Variants in TAF3 observed in about 807,000 individuals in gnomAD.
TAF3 encodes the protein transcription initiation factor TFIID subunit 3.
Under a neutral mutation model 80.6 loss-of-function variants are expected in TAF3, and 7 were observed. The ratio of observed to expected loss-of-function variants is 0.09; its 90% CI spans 0.05 to 0.16. The LOEUF (loss-of-function observed/expected upper bound fraction) is 0.16. Among genes scored for constraint, TAF3 ranks in the 10% least tolerant of loss-of-function variants. The pLI, the probability that TAF3 is intolerant of heterozygous loss-of-function variation, is 1.00. For missense variants in TAF3, 921 were observed against 1,140.2 expected (o/e 0.81, Z 2.77); for synonymous variants, 444 against 446.1 (o/e 1.00, Z 0.06).
chr10:7,870,987 T>C (rs1837259813), intron 2 of TAF3, among the ~76,000 whole-genome samples: 2 of 152,206 alleles, frequency 1.3e-5, no homozygotes, highest in Non-Finnish European at 2.9e-5. Context: ...TGTATGTATC[T>C]GTGATAGAAA....
At chr10:7,918,280 A>T (rs1837731155) in intron 2 of TAF3, among the ~76,000 whole-genome samples, 2 of 152,138 alleles carry the variant, frequency 1.3e-5, no homozygotes, top group Non-Finnish European at 2.9e-5. Context: ...GAAGAGTGGG[A>T]GAGAGAATGA....
chr10:7,979,421 C>T (rs1831704634), intron 4 of TAF3, among the ~76,000 whole-genome samples: 1 of 150,430 alleles, frequency 6.6e-6, no homozygotes, highest in Non-Finnish European at 1.5e-5. Flanking sequence ...AAGCATCTTT[C>T]AGTCATTCTG....
At chr10:7,845,349 ATAGCT>A (rs1836959720) in intron 2 of TAF3, among the ~76,000 whole-genome samples, 1 of 151,930 alleles carries the variant, frequency 6.6e-6, no homozygotes, top group Non-Finnish European at 1.5e-5. Flanking sequence ...CTGCTTTAGC[ATAGCT>A]TAAGTGTAGT....
In TAF3 at chr10:7,963,963, A is replaced by G. The variant is rs1831538729; in HGVS notation, c.453A>G (p.Ala151=). 1.2e-6 allele frequency: 2 copies of G among 1,613,762 alleles called. No homozygotes were observed. The highest frequency in any genetic ancestry group is 1.3e-5 in the African/African-American group (1 of 75,050). The change falls in exon 3 of 7, where the codon GCA becomes GCG. Residue 151 remains alanine, a synonymous_variant. Transcript: ENST00000344293. ...TGCCCACTGATGGAGGCACATCAGC[A>G]GAAGCCATGCAGGTTCCCTTGGAAG... is the stretch of plus-strand genomic sequence containing the variant. The part of the protein sequence containing the change: ...EQVPTDGGTS[A]EAMQVPLEED...
chr10:7,962,961 A>G (rs112637324), intron 2 of TAF3, among the ~76,000 whole-genome samples: 1,669 of 152,350 alleles, frequency 0.011, 20 homozygotes, highest in Middle Eastern at 0.031. Context: ...TAGGCAGGGC[A>G]AGTAACATCG....
At chr10:7,957,878 T>A (rs1274357496) in intron 2 of TAF3, among the ~76,000 whole-genome samples, 1 of 151,804 alleles carries the variant, frequency 6.6e-6, no homozygotes, top group Non-Finnish European at 1.5e-5. Flanking sequence ...TGTGTTAAAG[T>A]AGAAAGGGCC....
chr10:7,894,387 G>A (rs1459944623), intron 2 of TAF3, among the ~76,000 whole-genome samples: 1 of 152,172 alleles, frequency 6.6e-6, no homozygotes, highest in Non-Finnish European at 1.5e-5. Context: ...CTCGTTGCCT[G>A]CATTACGTCT....
intron 4 of TAF3, among the ~76,000 whole-genome samples, chr10:7,977,999 T>C (rs780803211): frequency 6.6e-6 from 1 of 152,230 alleles, no homozygotes; most frequent in African/African-American, 2.4e-5. Flanking sequence ...TACTCTTACC[T>C]GATCCTAATA....
rs370183247 is a variant in TAF3, at chr10:7,922,355, G to T, written c.410-41565G>T. The stretch of plus-strand genomic sequence containing the variant: ...GGACCAGTTTATGAGTTAGAAACTT[G>T]TGGGACTTTTCCATTGTGAATGTTG... On this transcript the variant is annotated intron_variant, in intron 2 of 6. Coordinates refer to ENST00000344293, the MANE Select transcript of TAF3 (RefSeq NM_031923.4). 1.3e-3 allele frequency among the ~76,000 whole-genome samples: 199 copies of T among 152,194 alleles called. 2 individuals are homozygous for T. Among genetic ancestry groups the T allele is most frequent in the African/African-American group, 4.6e-3 (192 of 41,558 alleles).
At chr10:7,997,707 G>A (rs1421120586) in intron 4 of TAF3, among the ~76,000 whole-genome samples, 2 of 152,146 alleles carry the variant, frequency 1.3e-5, no homozygotes, top group African/African-American at 2.4e-5. Context: ...AGCTGTGGGC[G>A]GTATTGGTTT....
intron 2 of TAF3, among the ~76,000 whole-genome samples, chr10:7,899,615 A>G (rs1837539506): frequency 6.6e-6 from 1 of 152,190 alleles, no homozygotes; most frequent in Admixed American, 6.5e-5. Context: ...GTGCTCAGGA[A>G]GCTTCCATTC....
intron 2 of TAF3, among the ~76,000 whole-genome samples, chr10:7,867,283 A>C (rs1837223400): frequency 6.6e-6 from 1 of 152,130 alleles, no homozygotes. Context: ...AAAACAAAAA[A>C]CAAAAACCAC....
intron 2 of TAF3, among the ~76,000 whole-genome samples, chr10:7,951,177 G>A (rs1397750786): frequency 6.6e-6 from 1 of 152,198 alleles, no homozygotes; most frequent in Non-Finnish European, 1.5e-5. Context: ...CATAACTACT[G>A]CAAATAACAA....
Position 7,818,748 on chromosome 10 carries a change from G to T in TAF3, c.39G>T (p.Ser13=). 1.9e-6 allele frequency: 3 copies of T among 1,604,188 alleles called. No individual in the cohort carries two copies. The highest frequency in any genetic ancestry group is 1.7e-6 in the Non-Finnish European group (2 of 1,178,418). The change falls in exon 1 of 7, where the codon TCG becomes TCT. Residue 13 remains serine (S), a synonymous_variant. Transcript: ENST00000344293. ...ESYSRSLLRV[S]VAQICQALGW... is the part of the protein sequence containing the mutation. ...ACTCCAGGTCGTTGTTGAGGGTCTC[G>T]GTGGCGCAGATCTGCCAGGCGCTGG...
intron 2 of TAF3, among the ~76,000 whole-genome samples, chr10:7,925,812 AGAAAAG>A (rs1177144954): frequency 1.5e-5 from 2 of 136,056 alleles, no homozygotes; most frequent in African/African-American, 5.3e-5. Flanking sequence ...AAAAAAAAAA[AGAAAAG>A]AAAAGAAAAG....
intron 3 of TAF3, among the ~76,000 whole-genome samples, chr10:7,973,849 G>T (rs1369795908): frequency 6.6e-6 from 1 of 152,134 alleles, no homozygotes; most frequent in Non-Finnish European, 1.5e-5. Context: ...ATTGGAGACA[G>T]CCAGGCACGG....
intron 2 of TAF3, among the ~76,000 whole-genome samples, chr10:7,882,278 G>A (rs541924993): frequency 3.9e-5 from 6 of 152,264 alleles, no homozygotes; most frequent in East Asian, 1.9e-4. Context: ...TCAATCTAAC[G>A]TGTATTCCTC....
Position 7,971,382 on chromosome 10 carries a change from C to T in TAF3, c.2232+5640C>T, listed in dbSNP as rs76069666. Among the ~76,000 whole-genome samples, 1,059 of 150,866 alleles carry T rather than the reference C, an allele frequency of 7.0e-3. 12 individuals carry two copies. The highest frequency in any genetic ancestry group is 0.023 in the African/African-American group (942 of 41,046). On this transcript the variant is annotated intron_variant, in intron 3 of 6. Transcript: ENST00000344293. Reference sequence around the variant, plus strand: ...ATTTGTGAGTTTTTTTCTAACATACCGGCATAGATGGGAATCTGAACTAGC... The same window carrying T: ...ATTTGTGAGTTTTTTTCTAACATACTGGCATAGATGGGAATCTGAACTAGC...
chr10:7,890,316 C>T (rs992104082), intron 2 of TAF3, among the ~76,000 whole-genome samples: 8 of 152,152 alleles, frequency 5.3e-5, no homozygotes, highest in Admixed American at 5.2e-4. Flanking sequence ...AGGTACCAAG[C>T]CTAATTGGAT....
Sources: gnomAD v4.1 joint callset for allele counts (sites outside exome capture counted in the v4.1 genomes callset) on GRCh38, gnomAD v4.1.1 for gene constraint, MANE v1.5 for transcripts, NCBI Gene and HGNC (gene_info 2026-07-23, HGNC 2026-07-21) for gene names.